Variants in AGBL1 observed in about 807,000 individuals in gnomAD.
AGBL1 encodes AGBL carboxypeptidase 1.
AGBL1 carries 130 observed loss-of-function variants against 118.9 expected under a neutral mutation model. The observed-to-expected ratio is 1.09, with a 90% confidence interval of 0.95 to 1.26. The LOEUF is 1.26. Among genes scored for constraint, AGBL1 ranks in the 50% most tolerant of loss-of-function variants. AGBL1 has a pLI of 0.00. For missense variants in AGBL1, 1,584 were observed against 1,298.1 expected (o/e 1.22, Z -3.38); for synonymous variants, 555 against 478.9 (o/e 1.16, Z -2.08).
intron 22 of AGBL1, among the ~76,000 whole-genome samples, chr15:86,763,679 T>C (rs538189482): frequency 6.6e-6 from 1 of 152,088 alleles, no homozygotes; most frequent in East Asian, 1.9e-4. Context: ...TCATAGGAAA[T>C]GGGAATCAGA....
Position 86,914,389 on chromosome 15 carries a change from T to C in AGBL1, c.*7095T>C, listed in dbSNP as rs915065270. On this transcript the variant is annotated 3_prime_UTR_variant, in exon 23 of 23. Coordinates refer to ENST00000614907, the MANE Select transcript of AGBL1 (RefSeq NM_001386094.1). ...CTGTGGGATAAATGGACATTATGATTGCCATTTTAAAAATGAAGTGCACCC... is the reference window on the plus strand; with the variant it reads ...CTGTGGGATAAATGGACATTATGATCGCCATTTTAAAAATGAAGTGCACCC... 1.3e-5 allele frequency: 2 copies of C among 152,162 alleles called. No individual in the cohort carries two copies. The highest frequency in any genetic ancestry group is 1.3e-4 in the Admixed American group (2 of 15,282). 9.4% of individuals were successfully genotyped at this position (152,162 alleles called of 1,614,324 possible).
chr15:86,827,938 CTTTTTTT>C lies in AGBL1; in HGVS notation c.3159-79135_3159-79129del, dbSNP rs71144074. 1.1e-3 allele frequency among the ~76,000 whole-genome samples: 19 copies of C among 16,764 alleles called. 2 individuals carry two copies. The South Asian group carries it at 0.048, about 42-fold the overall frequency. 11.0% of individuals were successfully genotyped at this position (16,764 alleles called of 152,430 possible). On this transcript the variant is annotated intron_variant, in intron 22 of 22. Transcript: ENST00000614907. ...ATAGTCTCTGGCACTTGATGTAGGG[CTTTTTTT>C]TTTTTTTTTTTTTGAGACAGTATCT... is the stretch of plus-strand genomic sequence containing the variant.
At chr15:86,681,678 T>C (rs1268301195) in intron 22 of AGBL1, among the ~76,000 whole-genome samples, 1 of 152,232 alleles carries the variant, frequency 6.6e-6, no homozygotes, top group African/African-American at 2.4e-5. Flanking sequence ...AGAGTTTATA[T>C]GTTCTTTAAG....
chr15:86,869,085 A>G (rs1322577290), intron 22 of AGBL1, among the ~76,000 whole-genome samples: 2 of 152,200 alleles, frequency 1.3e-5, no homozygotes, highest in Non-Finnish European at 2.9e-5. Flanking sequence ...GCAGGGTGAT[A>G]AATGCTTCTG....
chr15:86,414,938 A>G (rs2081669606), intron 18 of AGBL1, among the ~76,000 whole-genome samples: 1 of 152,182 alleles, frequency 6.6e-6, no homozygotes, highest in Non-Finnish European at 1.5e-5. Context: ...TGGGTTATTT[A>G]TGATACAGTC....
At chr15:86,747,447 C>T (rs1017370826) in intron 22 of AGBL1, among the ~76,000 whole-genome samples, 7 of 152,004 alleles carry the variant, frequency 4.6e-5, no homozygotes, top group South Asian at 2.1e-4. Flanking sequence ...CTAAAAAACA[C>T]GAAGTGAAAT....
At chr15:86,278,639 T>C (rs1238196385) in intron 15 of AGBL1, among the ~76,000 whole-genome samples, 1 of 152,092 alleles carries the variant, frequency 6.6e-6, no homozygotes, top group African/African-American at 2.4e-5. Flanking sequence ...CCCTTCCCTT[T>C]CCCCCAGTAA....
chr15:86,425,160 G>A (rs1276283011), intron 18 of AGBL1, among the ~76,000 whole-genome samples: 7 of 152,094 alleles, frequency 4.6e-5, no homozygotes, highest in Non-Finnish European at 8.8e-5. Flanking sequence ...TCAGTGATAG[G>A]CTGGATAAAG....
At chr15:86,729,157 G>T (rs2077496362) in intron 22 of AGBL1, among the ~76,000 whole-genome samples, 1 of 152,254 alleles carries the variant, frequency 6.6e-6, no homozygotes, top group South Asian at 2.1e-4. Context: ...CAGGTCTCTA[G>T]AGTATTCTAA....
chr15:86,167,324 C>T (rs1045211812), intron 5 of AGBL1, among the ~76,000 whole-genome samples: 26 of 151,840 alleles, frequency 1.7e-4, no homozygotes, highest in African/African-American at 4.6e-4. Context: ...TGGCTCGCTG[C>T]AACCTCCACC....
At chr15:87,011,559 C>T (rs2081560401) in intron 24 of AGBL1, among the ~76,000 whole-genome samples, 2 of 152,172 alleles carry the variant, frequency 1.3e-5, no homozygotes, top group South Asian at 4.1e-4. Context: ...TCAGCTTCTA[C>T]TGTCCATTTA....
intron 18 of AGBL1, among the ~76,000 whole-genome samples, chr15:86,510,615 G>T (rs2011905): frequency 0.44 from 66,322 of 151,798 alleles, 15,568 homozygotes; most frequent in East Asian, 0.68. Flanking sequence ...TTAATGATTT[G>T]GAACATTACA....
At chr15:86,235,827 G>A (rs891798507) in intron 6 of AGBL1, among the ~76,000 whole-genome samples, 1 of 152,228 alleles carries the variant, frequency 6.6e-6, no homozygotes, top group African/African-American at 2.4e-5. Context: ...CACATCTGTG[G>A]TGGGAGAGGG....
chr15:86,625,035 C>A (rs2084862629), intron 21 of AGBL1, among the ~76,000 whole-genome samples: 1 of 152,098 alleles, frequency 6.6e-6, no homozygotes, highest in African/African-American at 2.4e-5. Flanking sequence ...TGGTGACAGC[C>A]CCACACCCAC....
chr15:86,193,813 A>G (rs756963206), intron 5 of AGBL1, among the ~76,000 whole-genome samples: 2 of 152,218 alleles, frequency 1.3e-5, no homozygotes, highest in African/African-American at 2.4e-5. Flanking sequence ...AATATTTTCT[A>G]CGTTTATTCT....
intron 21 of AGBL1, among the ~76,000 whole-genome samples, chr15:86,657,538 C>A (rs2085480408): frequency 6.6e-6 from 1 of 152,080 alleles, no homozygotes; most frequent in African/African-American, 2.4e-5. Context: ...AAATCCATTG[C>A]CCCATGGGTT....
chr15:86,164,364 G>A lies in AGBL1; in HGVS notation c.488+5338G>A, dbSNP rs761339135. Among the ~76,000 whole-genome samples, 12 of 152,280 alleles carry A rather than the reference G, an allele frequency of 7.9e-5. No individual in the cohort carries two copies. In the Middle Eastern group the frequency reaches 0.014, roughly 173 times the overall value. On this transcript the variant is annotated intron_variant, in intron 5 of 22. Coordinates refer to ENST00000614907, the MANE Select transcript of AGBL1 (RefSeq NM_001386094.1). ...AAGCTTGTTTATCTGCACTAAAGCT[G>A]TCTTTGAGCTGTCCAAACTCACTAA...
intron 22 of AGBL1, among the ~76,000 whole-genome samples, chr15:86,882,808 G>A (rs964232404): frequency 6.6e-6 from 1 of 151,998 alleles, no homozygotes; most frequent in Non-Finnish European, 1.5e-5. Flanking sequence ...AGGAGAGAGA[G>A]GTCTTTATTA....
At chr15:86,875,046 C>T (rs1255763441) in intron 22 of AGBL1, among the ~76,000 whole-genome samples, 1 of 152,062 alleles carries the variant, frequency 6.6e-6, no homozygotes, top group Non-Finnish European at 1.5e-5. Flanking sequence ...ATAACCAGGA[C>T]CATGGGTTTA....
Sources: allele counts gnomAD v4.1 joint callset (sites outside exome capture counted in the v4.1 genomes callset), GRCh38; gene constraint gnomAD v4.1.1; transcripts MANE v1.5; gene names NCBI Gene and HGNC (gene_info 2026-07-23, HGNC 2026-07-21).